The following SMOC2 variants were observed in gnomAD, a reference collection of about 807,000 sequenced individuals.
SMOC2 encodes SPARC related modular calcium binding 2.
Under a neutral mutation model 61.4 loss-of-function variants are expected in SMOC2, and 39 were observed. The ratio of observed to expected loss-of-function variants is 0.64; its 90% CI spans 0.49 to 0.83. The LOEUF is 0.83. Ranked by LOEUF, SMOC2 falls within the 40% of genes least tolerant of loss-of-function variation. The pLI, the probability that SMOC2 is intolerant of heterozygous loss-of-function variation, is 0.00. For synonymous variants in SMOC2, 247 were observed against 239.9 expected (o/e 1.03, Z -0.27); for missense variants, 556 against 592.9 (o/e 0.94, Z 0.65).
chr6:168,543,824 C>A, intron 5 of SMOC2, 152 bp downstream of exon 5: 1 of 721,446 alleles, frequency 1.4e-6, no homozygotes, highest in Non-Finnish European at 2.3e-6. Context: ...CAATGCCATT[C>A]ACTCACGATC....
At chr6:168,461,841 G>T (rs976274919) in intron 1 of SMOC2, among the ~76,000 whole-genome samples, 2 of 152,112 alleles carry the variant, frequency 1.3e-5, no homozygotes, top group Admixed American at 6.5e-5. Context: ...CATGTCCTAT[G>T]AATTTTTTTT....
At chr6:168,600,633 G>A (rs915457716) in intron 8 of SMOC2, among the ~76,000 whole-genome samples, 13 of 152,124 alleles carry the variant, frequency 8.5e-5, no homozygotes, top group Non-Finnish European at 1.2e-4. Flanking sequence ...AAACGTGGAC[G>A]GCATCAAATA....
intron 1 of SMOC2, among the ~76,000 whole-genome samples, chr6:168,489,491 A>G (rs1225548087): frequency 8.6e-4 from 106 of 123,462 alleles, no homozygotes; most frequent in African/African-American, 2.9e-3. Flanking sequence ...CTGTTTTAGA[A>G]TGAAATATAT....
intron 2 of SMOC2, among the ~76,000 whole-genome samples, chr6:168,513,303 G>C (rs372318979): frequency 1.3e-4 from 20 of 151,650 alleles, no homozygotes; most frequent in African/African-American, 4.8e-4. Context: ...TAACGTACCT[G>C]AAGTTCTATA....
At chr6:168,489,430 C>T (rs995127239) in intron 1 of SMOC2, among the ~76,000 whole-genome samples, 2 of 151,420 alleles carry the variant, frequency 1.3e-5, no homozygotes. Context: ...CCTCTTGGAT[C>T]ACAGTTTTAG....
intron 9 of SMOC2, among the ~76,000 whole-genome samples, chr6:168,641,682 G>A (rs1786894204): frequency 6.6e-6 from 1 of 152,184 alleles, no homozygotes; most frequent in Non-Finnish European, 1.5e-5. Context: ...GGAGTTTACG[G>A]CAGCACTCAG....
At chr6:168,509,096 A>G (rs1287499799) in intron 1 of SMOC2, among the ~76,000 whole-genome samples, 1 of 152,172 alleles carries the variant, frequency 6.6e-6, no homozygotes, top group Admixed American at 6.5e-5. Flanking sequence ...TGACTTGTCC[A>G]AGGAAAACAC....
chr6:168,549,016 T>G lies in SMOC2; in HGVS notation c.563-113T>G, dbSNP rs943047066. 27 of 754,864 alleles carry G rather than the reference T, an allele frequency of 3.6e-5. No individual in the cohort carries two copies. In the African/African-American group the frequency reaches 3.8e-4, roughly 11 times the overall value. The allele number at this position is 754,864 out of a possible 1,614,324, so 46.8% of individuals were successfully genotyped here. On this transcript the variant is annotated intron_variant, in intron 6 of 12. Transcript: ENST00000356284. ...ACTATTTCTTTACAAATGTACAATGTGTGTTATGTTGATTTATTTTGGCTG... is the reference window on the plus strand; with the variant it reads ...ACTATTTCTTTACAAATGTACAATGGGTGTTATGTTGATTTATTTTGGCTG...
chr6:168,503,065 CTTTTTT>C (rs762736911), intron 1 of SMOC2, among the ~76,000 whole-genome samples: 9 of 47,800 alleles, frequency 1.9e-4, no homozygotes, highest in Non-Finnish European at 2.1e-4. Flanking sequence ...CGTGCCTGGC[CTTTTTT>C]TTTTTTTTTT....
intron 7 of SMOC2, among the ~76,000 whole-genome samples, chr6:168,566,949 A>C (rs2115134701): frequency 6.6e-6 from 1 of 152,320 alleles, no homozygotes; most frequent in Admixed American, 6.5e-5. Context: ...AAAATAGGAG[A>C]CAGGCCCGCT....
At chr6:168,606,702 G>A (rs1362925836) in intron 8 of SMOC2, among the ~76,000 whole-genome samples, 1 of 152,182 alleles carries the variant, frequency 6.6e-6, no homozygotes, top group Non-Finnish European at 1.5e-5. Context: ...AGAGGGAGAG[G>A]ATGAGAACTG....
intron 8 of SMOC2, among the ~76,000 whole-genome samples, chr6:168,607,149 T>C (rs1218826315): frequency 6.6e-6 from 1 of 151,954 alleles, no homozygotes; most frequent in Admixed American, 6.6e-5. Context: ...AAAGCCACAG[T>C]GAAGGATTTC....
At chr6:168,552,464 C>T (rs1784149227) in intron 7 of SMOC2, among the ~76,000 whole-genome samples, 1 of 151,912 alleles carries the variant, frequency 6.6e-6, no homozygotes, top group African/African-American at 2.4e-5. Flanking sequence ...AAATGCATTG[C>T]TTTTTGTTTC....
rs1554238276 is a variant in SMOC2 at position 168,548,523 on chromosome 6, AT to A, written c.563-592del. On this transcript the variant is annotated intron_variant, in intron 6 of 12. Transcript: ENST00000356284. Reference sequence around the variant, plus strand: ...CAGGCACTTGCCACCACCCCTGGCTATTTTTTTTTTTTTTGTATTATTAGTA... The same window carrying A: ...CAGGCACTTGCCACCACCCCTGGCTATTTTTTTTTTTTTGTATTATTAGTA... Among the ~76,000 whole-genome samples the A allele has an allele frequency of 8.2e-3, 254 of 31,054 alleles. 1 individual carries two copies. Among genetic ancestry groups the A allele is most frequent in the Admixed American group, 0.04 (76 of 1,898 alleles). 20.4% of individuals were successfully genotyped at this position (31,054 alleles called of 152,430 possible).
rs1467963200 is a variant in SMOC2, at chr6:168,573,078, G to A, written c.637+23875G>A. Among the ~76,000 whole-genome samples the A allele has an allele frequency of 3.6e-5, 3 of 83,036 alleles. 1 individual carries two copies. The highest frequency in any genetic ancestry group is 6.9e-5 in the African/African-American group (1 of 14,506). The allele number at this position is 83,036 out of a possible 152,430, so 54.5% of individuals were successfully genotyped here. A position where few individuals can be genotyped will look rare whatever the true frequency, so the allele number is the denominator to read the frequency against. On this transcript the variant is annotated intron_variant, in intron 7 of 12. Coordinates refer to ENST00000356284, the MANE Select transcript of SMOC2 (RefSeq NM_001166412.2). ...CCCCGGGTGCGGGGACCAGGGCTGC[G>A]TGCTCCTTGGACGCGATGCTCATTT...
intron 2 of SMOC2, among the ~76,000 whole-genome samples, chr6:168,513,484 TACACAC>T (rs910887205): frequency 3.7e-5 from 1 of 27,316 alleles, no homozygotes; most frequent in African/African-American, 1.0e-4. Context: ...CACACATACA[TACACAC>T]ACACACACAC....
intron 4 of SMOC2, among the ~76,000 whole-genome samples, chr6:168,532,498 AG>A (rs1208224950): frequency 6.6e-6 from 1 of 150,962 alleles, no homozygotes; most frequent in African/African-American, 2.4e-5. Context: ...TTGAAAACAA[AG>A]GCCTTTTTGC....
At position 168,526,132 on chromosome 6, in the gene SMOC2, C is replaced by T. The variant is rs564270088; in HGVS notation, c.257-214C>T. On this transcript the variant is annotated intron_variant, in intron 2 of 12. Coordinates refer to ENST00000356284, the MANE Select transcript of SMOC2 (RefSeq NM_001166412.2). Reference sequence around the variant, plus strand: ...GCCTGCCCTTCCCGCCCCTGGGCCTCGCATCAGATAGGACCAGGCCTGCAT... The same window carrying T: ...GCCTGCCCTTCCCGCCCCTGGGCCTTGCATCAGATAGGACCAGGCCTGCAT... 7.2e-5 allele frequency among the ~76,000 whole-genome samples: 11 copies of T among 152,374 alleles called. No homozygotes were observed. The South Asian group carries it at 1.9e-3, about 26-fold the overall frequency.
At chr6:168,549,266 T>G (rs941864584) in intron 7 of SMOC2, 63 bp downstream of exon 7, 147 of 1,418,660 alleles carry the variant, frequency 1.0e-4, no homozygotes, top group Middle Eastern at 3.5e-4. Context: ...AATGATGGGG[T>G]TTTTTTTTGG....
Sources: gnomAD v4.1 joint callset for allele counts (sites outside exome capture counted in the v4.1 genomes callset) on GRCh38, gnomAD v4.1.1 for gene constraint, MANE v1.5 for transcripts, NCBI Gene and HGNC (gene_info 2026-07-23, HGNC 2026-07-21) for gene names.